The following FAM149A variants were observed in gnomAD, a reference collection of about 807,000 sequenced individuals.
FAM149A encodes the protein family with sequence similarity 149 member A, also known as protein FAM149A.
In FAM149A, 71 loss-of-function variants were observed where a neutral mutation model predicts 78.2. That is an observed-to-expected ratio of 0.91 (90% CI 0.75 to 1.11). The LOEUF (loss-of-function observed/expected upper bound fraction) is 1.11, where lower values mean the gene tolerates loss of function less well. FAM149A is among the 50% of genes least tolerant of loss of function. The probability of loss-of-function intolerance (pLI) is 0.00; values close to 1 mark genes in which losing one functional copy is unlikely to be tolerated. For missense variants in FAM149A, 1,036 were observed against 971.0 expected, an observed-to-expected ratio of 1.07 and a Z score of -0.89; for synonymous variants, 446 against 410.5, an observed-to-expected ratio of 1.09 and a Z score of -1.04.
At chr4:186,110,826 G>A (rs2099310941) in intron 1 of FAM149A, among the ~76,000 whole-genome samples, 2 of 150,392 alleles carry the variant, frequency 1.3e-5, no homozygotes, top group South Asian at 4.3e-4. Context: ...CCAAGTCTTT[G>A]CTATTGTGAA....
intron 1 of FAM149A, among the ~76,000 whole-genome samples, chr4:186,128,816 G>C (rs2099319409): frequency 6.6e-6 from 1 of 151,958 alleles, no homozygotes; most frequent in Non-Finnish European, 1.5e-5. Context: ...TGTATGGATG[G>C]ATGGATGTCT....
At chr4:186,138,725 G>C (rs147389879) in intron 1 of FAM149A, among the ~76,000 whole-genome samples, 15 of 152,250 alleles carry the variant, frequency 9.9e-5, no homozygotes, top group East Asian at 7.7e-4. Flanking sequence ...TATGGGTTTG[G>C]GGGGGAAGGC....
At chr4:186,166,936 T>C (rs1735083600) in intron 11 of FAM149A, 32 bp from the exon 12 acceptor site, 1 of 1,593,264 alleles carries the variant, frequency 6.3e-7, no homozygotes, top group African/African-American at 1.3e-5. Flanking sequence ...ATTGCATTTA[T>C]TTTAAACAAG....
Position 186,156,046 on chromosome 4 carries a change from T to A in FAM149A, c.1276T>A (p.Trp426Arg), listed in dbSNP as rs147196705. 620 of 1,613,788 alleles carry A rather than the reference T, an allele frequency of 3.8e-4. 3 individuals are homozygous for A. In the African/African-American group the frequency reaches 6.9e-3, roughly 18 times the overall value. ...AAAACCAGCTCAGCCCGGTAGGAAA[T>A]GGCGCAAACTCGGACTTCCTCCTGT... Residue 426 changes from tryptophan (W) to arginine (R), a missense_variant, in exon 7 of 14, where the codon TGG (tryptophan) becomes AGG (arginine). Trp to Arg is a moderately radical substitution (Grantham distance 101, BLOSUM62 -3). Around this residue, in one of 3 missense-constraint regions of FAM149A, gnomAD observed 716 missense variants for 711.8 expected, o/e 1.01. Transcript: ENST00000389354.
Position 186,154,645 on chromosome 4 carries a change from A to G in FAM149A, c.1229+7A>G, listed in dbSNP as rs760219003. 64 of 1,609,668 alleles carry G rather than the reference A, an allele frequency of 4.0e-5. No individual in the cohort carries two copies. The highest frequency in any genetic ancestry group is 2.2e-5 in the East Asian group (1 of 44,800). On this transcript the variant is annotated splice_region_variant and intron_variant, in intron 6 of 13. Transcript: ENST00000389354. The stretch of plus-strand genomic sequence containing the variant: ...CTTTTGACAGAAAAGAGGAGTAAAT[A>G]GAATCTTATTTGACATTGACCTCAT...
intron 1 of FAM149A, chr4:186,126,191 C>CG (rs1256114435): frequency 5.8e-6 from 4 of 694,468 alleles, no homozygotes; most frequent in Non-Finnish European, 5.3e-6. Context: ...GTAAGCCTCG[C>CG]GCCTTGTTAC....
chr4:186,171,122 T>A (rs1031854595), intron 13 of FAM149A: 4 of 152,408 alleles, frequency 2.6e-5, no homozygotes, highest in African/African-American at 9.6e-5. Context: ...GGCCGGATGT[T>A]GGCTCCGTGC....
At chr4:186,106,923 C>G (rs1451399647) in intron 1 of FAM149A, among the ~76,000 whole-genome samples, 1 of 152,110 alleles carries the variant, frequency 6.6e-6, no homozygotes, top group Admixed American at 6.5e-5. Flanking sequence ...GCGCTCCAAC[C>G]TGGGCGACAG....
rs529487946 is a variant in FAM149A, at chr4:186,146,249, T to C, written c.567-2924T>C. Among the ~76,000 whole-genome samples, 53 of 152,244 alleles carry C rather than the reference T, an allele frequency of 3.5e-4. No homozygotes were observed. The South Asian group carries it at 8.3e-3, about 24-fold the overall frequency. On this transcript the variant is annotated intron_variant, in intron 1 of 13. Coordinates refer to ENST00000389354, the MANE Select transcript of FAM149A (RefSeq NM_001367768.3). ...CACTGAACTCTGAAGCTCAAGAAAT[T>C]GCTTAAAAGGAGATACAGAGGGGAA...
intron 1 of FAM149A, among the ~76,000 whole-genome samples, chr4:186,121,339 C>T (rs1011510477): frequency 6.6e-6 from 1 of 152,138 alleles, no homozygotes; most frequent in South Asian, 2.1e-4. Flanking sequence ...AACTGTAATC[C>T]TTGCCAGGCA....
At chr4:186,133,110 A>G in intron 1 of FAM149A, 2 of 985,430 alleles carry the variant, frequency 2.0e-6, no homozygotes, top group East Asian at 1.1e-4. Flanking sequence ...GGTAAAGGTT[A>G]GACAGGAGTC....
chr4:186,118,090 G>A (rs952801950), intron 1 of FAM149A: 4 of 985,428 alleles, frequency 4.1e-6, no homozygotes, highest in Non-Finnish European at 4.8e-6. Flanking sequence ...ATTCATGGTG[G>A]AATATGGCAG....
chr4:186,116,525 A>G (rs1561385825), intron 1 of FAM149A: 1 of 985,248 alleles, frequency 1.0e-6, no homozygotes, highest in Non-Finnish European at 1.2e-6. Flanking sequence ...TACCCGAGAA[A>G]ACAATTTTGT....
chr4:186,144,896 C>G lies in FAM149A; in HGVS notation c.567-4277C>G. Reference sequence around the variant, plus strand: ...GAGCCCCGCGGACCCCGGGCGCGCCCGGGCCGCCTGAGCTGGGCCAGCCGC... The same window carrying G: ...GAGCCCCGCGGACCCCGGGCGCGCCGGGGCCGCCTGAGCTGGGCCAGCCGC... On this transcript the variant is annotated intron_variant, in intron 1 of 13. Transcript: ENST00000389354. The surrounding 1 kb of genome is among the most constrained non-coding windows in gnomAD (Gnocchi z 4.2). 9 of 970,764 alleles carry G rather than the reference C, an allele frequency of 9.3e-6. No individual in the cohort carries two copies. The highest frequency in any genetic ancestry group is 1.1e-5 in the Non-Finnish European group (9 of 823,458). The allele number at this position is 970,764 out of a possible 1,614,324, so 60.1% of individuals were successfully genotyped here.
intron 8 of FAM149A, chr4:186,158,640 C>T (rs569408400): frequency 2.2e-5 from 24 of 1,086,414 alleles, no homozygotes; most frequent in African/African-American, 3.4e-5. Flanking sequence ...CACACACTGC[C>T]GCCCAGGTTG....
In FAM149A at chr4:186,144,014, A is replaced by G. The variant is rs1031700366; in HGVS notation, c.567-5159A>G. Reference sequence around the variant, plus strand: ...CCTCAGCTCTCAAAAGAGACTGGCTACGGCAGGACGGGGATGAGTGTTGTA... The same window carrying G: ...CCTCAGCTCTCAAAAGAGACTGGCTGCGGCAGGACGGGGATGAGTGTTGTA... On this transcript the variant is annotated intron_variant, in intron 1 of 13. Transcript: ENST00000389354. The surrounding 1 kb of genome is among the most constrained non-coding windows in gnomAD (Gnocchi z 4.2). The G allele has an allele frequency of 6.6e-5, 10 of 152,380 alleles. No homozygotes were observed. The highest frequency in any genetic ancestry group is 3.4e-3 in the Middle Eastern group (1 of 296). The allele number at this position is 152,380 out of a possible 1,614,324, so 9.4% of individuals were successfully genotyped here. A position where few individuals can be genotyped will look rare whatever the true frequency, so the allele number is the denominator to read the frequency against.
chr4:186,120,137 T>TTGAA (rs2099315355), intron 1 of FAM149A, among the ~76,000 whole-genome samples: 1 of 152,216 alleles, frequency 6.6e-6, no homozygotes, highest in African/African-American at 2.4e-5. Context: ...TTCTTAGCAT[T>TTGAA]TGAAGTAACG....
At chr4:186,111,495 C>T (rs1453970138) in intron 1 of FAM149A, among the ~76,000 whole-genome samples, 1 of 152,040 alleles carries the variant, frequency 6.6e-6, no homozygotes, top group Non-Finnish European at 1.5e-5. Context: ...AATGGTAATA[C>T]CTAGGTTTTC....
At chr4:186,129,139 G>A (rs1561392131) in intron 1 of FAM149A, among the ~76,000 whole-genome samples, 1 of 108,562 alleles carries the variant, frequency 9.2e-6, no homozygotes, top group African/African-American at 3.1e-5. Context: ...GTGCCTCTGT[G>A]TGTCTGTGTG....
Sources: gnomAD v4.1 joint callset for allele counts (sites outside exome capture counted in the v4.1 genomes callset) on GRCh38, gnomAD v4.1.1 for gene constraint, gnomAD v4.1.1 regional missense constraint, Gnocchi (gnomAD v3.1) non-coding constraint, MANE v1.5 for transcripts, NCBI Gene and HGNC (gene_info 2026-07-23, HGNC 2026-07-21) for gene names.